The following INPP4B variants were observed in gnomAD, a reference collection of about 807,000 sequenced individuals.
INPP4B encodes inositol polyphosphate 4-phosphatase type II.
Under a neutral mutation model 122.5 loss-of-function variants are expected in INPP4B, and 55 were observed. The ratio of observed to expected loss-of-function variants is 0.45; its 90% CI spans 0.36 to 0.56. INPP4B has a LOEUF of 0.56. Ranked by LOEUF, INPP4B falls within the 20% of genes least tolerant of loss-of-function variation. The pLI, the probability that INPP4B is intolerant of heterozygous loss-of-function variation, is 0.00. For missense variants in INPP4B, 1,000 were observed against 1,097.7 expected (o/e 0.91, Z 1.26); for synonymous variants, 403 against 388.7 (o/e 1.04, Z -0.43).
Position 142,692,153 on chromosome 4 carries a change from A to C in INPP4B, c.-191+33686T>G, listed in dbSNP as rs368149084. 3.0e-4 allele frequency among the ~76,000 whole-genome samples: 45 copies of C among 152,238 alleles called. No homozygotes were observed. The South Asian group carries it at 9.3e-3, about 32-fold the overall frequency. Reference sequence around the variant, plus strand: ...GGGACCCTTCCACTTTGCCCTCTGAAGTTTCACTGAAAAATCAACTGATAA... The same window carrying C: ...GGGACCCTTCCACTTTGCCCTCTGACGTTTCACTGAAAAATCAACTGATAA... On this transcript the variant is annotated intron_variant, in intron 2 of 25. Coordinates refer to ENST00000262992, the MANE Select transcript of INPP4B (RefSeq NM_001101669.3).
intron 7 of INPP4B, among the ~76,000 whole-genome samples, chr4:142,398,445 T>TAAAAA (rs1554048511): frequency 4.4e-4 from 33 of 74,524 alleles, no homozygotes; most frequent in African/African-American, 5.8e-4. Context: ...TATATATATA[T>TAAAAA]AAAACATATT....
At chr4:142,448,341 A>AC (rs1454890965) in intron 3 of INPP4B, among the ~76,000 whole-genome samples, 2 of 151,706 alleles carry the variant, frequency 1.3e-5, no homozygotes, top group African/African-American at 4.8e-5. Context: ...AAAAAAAAAA[A>AC]AAAAAAAAAA....
chr4:142,405,044 G>GT (rs759882829), intron 6 of INPP4B, among the ~76,000 whole-genome samples, 162 bp downstream of exon 6: 18 of 140,314 alleles, frequency 1.3e-4, no homozygotes, highest in Non-Finnish European at 2.1e-4. Context: ...ACAGAGGATG[G>GT]TAATGCAGCA....
At position 142,260,618 on chromosome 4, in the gene INPP4B, AATG is replaced by A. The variant is rs1161173602; in HGVS notation, c.616-57_616-55del. On this transcript the variant is annotated intron_variant, in intron 10 of 25. Transcript: ENST00000262992. ...AATTTTGAGAACAATCAAAATAAGGAATGATATTATTTTATTTGCAAAACATAA... is the reference window on the plus strand; with the variant it reads ...AATTTTGAGAACAATCAAAATAAGGAATATTATTTTATTTGCAAAACATAA... 2.0e-5 allele frequency: 24 copies of A among 1,182,392 alleles called. No individual in the cohort carries two copies. In the South Asian group the frequency reaches 2.9e-4, roughly 14 times the overall value. 73.2% of individuals were successfully genotyped at this position (1,182,392 alleles called of 1,614,324 possible).
intron 2 of INPP4B, among the ~76,000 whole-genome samples, chr4:142,507,123 T>C (rs1824129069): frequency 6.6e-6 from 1 of 152,228 alleles, no homozygotes; most frequent in East Asian, 1.9e-4. Flanking sequence ...TATTTTCTTT[T>C]GTGCTCCTAT....
rs369885602 is a variant in INPP4B at position 142,326,791 on chromosome 4, A to C, written c.373-12029T>G. On this transcript the variant is annotated intron_variant, in intron 7 of 25. Coordinates refer to ENST00000262992, the MANE Select transcript of INPP4B (RefSeq NM_001101669.3). ...AATAACTCTGTTTAACCTTTGGGTTAATCATTTCAGGGCATGTCTTTTTTT... is the reference window on the plus strand; with the variant it reads ...AATAACTCTGTTTAACCTTTGGGTTCATCATTTCAGGGCATGTCTTTTTTT... Among the ~76,000 whole-genome samples, 6 of 152,322 alleles carry C rather than the reference A, an allele frequency of 3.9e-5. No homozygotes were observed. In the East Asian group the frequency reaches 9.6e-4, roughly 24 times the overall value.
chr4:142,584,035 G>T (rs1044668713), intron 2 of INPP4B, among the ~76,000 whole-genome samples: 2 of 152,040 alleles, frequency 1.3e-5, no homozygotes, highest in African/African-American at 4.8e-5. Context: ...GGGAAAAGGA[G>T]GGTATAGGTT....
chr4:142,224,672 T>C (rs551078818), intron 12 of INPP4B, among the ~76,000 whole-genome samples: 3 of 152,246 alleles, frequency 2.0e-5, no homozygotes, highest in Admixed American at 6.5e-5. Flanking sequence ...GATAAAAATA[T>C]AGATTTAGGA....
intron 21 of INPP4B, among the ~76,000 whole-genome samples, chr4:142,115,512 T>A (rs1020321736): frequency 7.2e-5 from 11 of 152,302 alleles, no homozygotes; most frequent in Non-Finnish European, 1.5e-4. Context: ...ATATTCAACA[T>A]TCTTAAAGAA....
chr4:142,048,079 A>G (rs1417714199), intron 25 of INPP4B, among the ~76,000 whole-genome samples: 2 of 152,018 alleles, frequency 1.3e-5, no homozygotes, highest in Non-Finnish European at 2.9e-5. Context: ...CTTTCATACC[A>G]CTCCTGTGAG....
intron 25 of INPP4B, chr4:142,029,230 C>G: frequency 9.8e-7 from 1 of 1,025,378 alleles, no homozygotes. Flanking sequence ...CTTTTTATAA[C>G]ATTTCCACAA....
At chr4:142,501,080 C>T (rs1823310955) in intron 2 of INPP4B, among the ~76,000 whole-genome samples, 1 of 152,144 alleles carries the variant, frequency 6.6e-6, no homozygotes. Flanking sequence ...GTGCCCCAAT[C>T]TCCCAGTCTC....
chr4:142,780,750 A>G (rs752280489), intron 1 of INPP4B, among the ~76,000 whole-genome samples: 6 of 152,130 alleles, frequency 3.9e-5, no homozygotes, highest in Non-Finnish European at 7.4e-5. Flanking sequence ...GTGAGCCAAG[A>G]TCACGCCACT....
intron 2 of INPP4B, among the ~76,000 whole-genome samples, chr4:142,483,156 G>A (rs1473634118): frequency 7.7e-6 from 1 of 130,582 alleles, no homozygotes; most frequent in Non-Finnish European, 1.6e-5. Flanking sequence ...ATAGGAATGA[G>A]TAATAATGAC....
At chr4:142,774,990 T>C (rs1319867216) in intron 1 of INPP4B, among the ~76,000 whole-genome samples, 2 of 152,076 alleles carry the variant, frequency 1.3e-5, no homozygotes, top group African/African-American at 2.4e-5. Flanking sequence ...TTCCTTGTCT[T>C]TTATGACCTT....
rs1293294114 is a variant in INPP4B, at chr4:142,707,465, G to A, written c.-191+18374C>T. On this transcript the variant is annotated intron_variant, in intron 2 of 25. Coordinates refer to ENST00000262992, the MANE Select transcript of INPP4B (RefSeq NM_001101669.3). ...TGCAGTGTTGGAAGAGGGGCCTGGT[G>A]GGATGTGATTGGATCATGAGGGTGG... Among the ~76,000 whole-genome samples, 4 of 152,172 alleles carry A rather than the reference G, an allele frequency of 2.6e-5. No homozygotes were observed. The East Asian group carries it at 7.7e-4, about 29-fold the overall frequency.
At chr4:142,313,977 G>A (rs767626334) in intron 8 of INPP4B, among the ~76,000 whole-genome samples, 3 of 152,194 alleles carry the variant, frequency 2.0e-5, no homozygotes, top group Non-Finnish European at 2.9e-5. Flanking sequence ...CTGACTGGAA[G>A]AAGGTTGTCA....
chr4:142,737,915 T>C (rs1354359873), intron 1 of INPP4B, among the ~76,000 whole-genome samples: 2 of 152,172 alleles, frequency 1.3e-5, no homozygotes, highest in South Asian at 4.1e-4. Context: ...TGAGATACCA[T>C]CTCACACCAG....
In INPP4B at chr4:142,786,738, G is replaced by A. The variant is rs116538874; in HGVS notation, c.-254+59471C>T. On this transcript the variant is annotated intron_variant, in intron 1 of 25. Transcript: ENST00000262992. ...CACTCTACATTTGTCATTTTCCTCC[G>A]AGCTGCCCCTAAAAGCATAGCTGCT... is the stretch of plus-strand genomic sequence containing the variant. Among the ~76,000 whole-genome samples the A allele has an allele frequency of 5.2e-3, 787 of 152,154 alleles. 9 individuals are homozygous for A. Among genetic ancestry groups the A allele is most frequent in the African/African-American group, 0.018 (745 of 41,538 alleles).
Sources: allele counts gnomAD v4.1 joint callset (sites outside exome capture counted in the v4.1 genomes callset), GRCh38; gene constraint gnomAD v4.1.1; transcripts MANE v1.5; gene names NCBI Gene and HGNC (gene_info 2026-07-23, HGNC 2026-07-21).